The following CTNNA3 variants were observed in gnomAD, a reference collection of about 807,000 sequenced individuals.
CTNNA3 encodes the protein catenin alpha-3.
In CTNNA3, 76 loss-of-function variants were observed where a neutral mutation model predicts 95.7. The ratio of observed to expected loss-of-function variants is 0.79; its 90% CI spans 0.66 to 0.96. CTNNA3 has a LOEUF of 0.96. Ranked by LOEUF, CTNNA3 falls within the 40% of genes least tolerant of loss-of-function variation. The probability of loss-of-function intolerance (pLI) is 0.00; values close to 1 mark genes in which losing one functional copy is unlikely to be tolerated. For synonymous variants in CTNNA3, 431 were observed against 374.4 expected (o/e 1.15, Z -1.74); for missense variants, 1,191 against 1,089.8 (o/e 1.09, Z -1.31).
chr10:66,930,566 T>C (rs1000531603), intron 7 of CTNNA3, among the ~76,000 whole-genome samples: 1 of 152,176 alleles, frequency 6.6e-6, no homozygotes. Context: ...CACTTAACCT[T>C]CTGCCTTACT....
At chr10:67,751,662 C>G (rs575581355) in intron 1 of CTNNA3, among the ~76,000 whole-genome samples, 2 of 152,084 alleles carry the variant, frequency 1.3e-5, no homozygotes, top group South Asian at 4.2e-4. Flanking sequence ...GAAATACAAC[C>G]AACCATCAGA....
intron 7 of CTNNA3, among the ~76,000 whole-genome samples, chr10:66,976,586 A>G (rs12255493): frequency 1.1e-4 from 16 of 152,162 alleles, no homozygotes; most frequent in Non-Finnish European, 4.4e-5. Flanking sequence ...GACTTCCCTA[A>G]AGAAAAATGG....
intron 13 of CTNNA3, among the ~76,000 whole-genome samples, chr10:66,203,045 A>T (rs374985572): frequency 3.9e-5 from 6 of 152,218 alleles, no homozygotes; most frequent in Non-Finnish European, 8.8e-5. Context: ...GCTACGCTTC[A>T]TGGGACAAAC....
At chr10:67,618,166 C>T (rs1293245869) in intron 2 of CTNNA3, among the ~76,000 whole-genome samples, 2 of 152,022 alleles carry the variant, frequency 1.3e-5, no homozygotes, top group African/African-American at 4.8e-5. Flanking sequence ...AGCAAAAAGT[C>T]AACCTTTTTC....
chr10:66,703,351 T>C (rs903690866), intron 9 of CTNNA3, among the ~76,000 whole-genome samples: 7 of 152,208 alleles, frequency 4.6e-5, no homozygotes, highest in Non-Finnish European at 8.8e-5. Context: ...AAAGTGTTTT[T>C]ATATTTACTC....
chr10:66,936,024 G>A (rs1343056886), intron 7 of CTNNA3, among the ~76,000 whole-genome samples: 1 of 152,078 alleles, frequency 6.6e-6, no homozygotes, highest in Non-Finnish European at 1.5e-5. Flanking sequence ...CCAGTATAGT[G>A]TTCCTTCCAG....
At chr10:66,371,206 A>G (rs2092751846) in intron 12 of CTNNA3, among the ~76,000 whole-genome samples, 1 of 152,304 alleles carries the variant, frequency 6.6e-6, no homozygotes, top group South Asian at 2.1e-4. Flanking sequence ...AAATTTTGTC[A>G]TTGTAGTTAA....
At chr10:66,047,176 C>G (rs2079846104) in intron 15 of CTNNA3, among the ~76,000 whole-genome samples, 2 of 152,060 alleles carry the variant, frequency 1.3e-5, no homozygotes, top group South Asian at 4.1e-4. Flanking sequence ...GACCCACACA[C>G]AAAAGAAAAC....
At chr10:67,647,987 A>C (rs1271635193) in intron 1 of CTNNA3, among the ~76,000 whole-genome samples, 6 of 152,214 alleles carry the variant, frequency 3.9e-5, no homozygotes, top group African/African-American at 1.4e-4. Context: ...ATATGTCCTT[A>C]CTTGATTTAG....
chr10:67,285,783 A>T (rs1839574828), intron 5 of CTNNA3, among the ~76,000 whole-genome samples: 1 of 152,206 alleles, frequency 6.6e-6, no homozygotes, highest in African/African-American at 2.4e-5. Context: ...AGGTTCCTAC[A>T]GGCAGGAAAT....
intron 1 of CTNNA3, among the ~76,000 whole-genome samples, chr10:67,680,993 G>A (rs543764262): frequency 1.4e-4 from 21 of 152,204 alleles, no homozygotes; most frequent in South Asian, 4.1e-4. Context: ...GAAAGAGACC[G>A]TTTATGATAC....
At chr10:67,609,924 A>G (rs1434103471) in intron 2 of CTNNA3, among the ~76,000 whole-genome samples, 2 of 152,346 alleles carry the variant, frequency 1.3e-5, no homozygotes, top group East Asian at 3.9e-4. Flanking sequence ...CATGGATTAT[A>G]TAAGAATAAT....
At chr10:66,152,473 TA>T (rs2084255583) in intron 13 of CTNNA3, among the ~76,000 whole-genome samples, 1 of 151,870 alleles carries the variant, frequency 6.6e-6, no homozygotes, top group Non-Finnish European at 1.5e-5. Flanking sequence ...ACACAAAGTA[TA>T]AAAATTCTCA....
intron 7 of CTNNA3, among the ~76,000 whole-genome samples, chr10:66,834,477 T>G (rs1288658088): frequency 6.6e-6 from 1 of 152,224 alleles, no homozygotes; most frequent in Non-Finnish European, 1.5e-5. Context: ...TGCCATCATT[T>G]CCATTTTATA....
chr10:67,058,604 GC>G (rs1855575836), intron 7 of CTNNA3, among the ~76,000 whole-genome samples: 1 of 152,000 alleles, frequency 6.6e-6, no homozygotes, highest in Admixed American at 6.6e-5. Flanking sequence ...GCCCTGCAAG[GC>G]CCCTTTTTTT....
intron 7 of CTNNA3, among the ~76,000 whole-genome samples, chr10:67,111,405 A>T (rs1858902270): frequency 6.6e-6 from 1 of 152,076 alleles, no homozygotes; most frequent in Non-Finnish European, 1.5e-5. Context: ...GAAAATTCAC[A>T]TAAGGCCGAA....
chr10:65,989,065 C>G (rs1015172052), intron 15 of CTNNA3, among the ~76,000 whole-genome samples: 9 of 152,192 alleles, frequency 5.9e-5, no homozygotes, highest in Non-Finnish European at 1.3e-4. Flanking sequence ...CTTAGCCCCC[C>G]GAAGAGCTGG....
chr10:66,828,144 T>C (rs1842581667), intron 7 of CTNNA3, among the ~76,000 whole-genome samples: 1 of 152,222 alleles, frequency 6.6e-6, no homozygotes, highest in African/African-American at 2.4e-5. Flanking sequence ...TTCAAAGGAA[T>C]ATCAAGATGG....
intron 7 of CTNNA3, among the ~76,000 whole-genome samples, chr10:67,038,757 T>A (rs963750084): frequency 5.9e-5 from 9 of 152,058 alleles, no homozygotes; most frequent in African/African-American, 2.2e-4. Context: ...AACCAGGAGT[T>A]CAATATGAGA....
Sources: gnomAD v4.1 joint callset for allele counts (sites outside exome capture counted in the v4.1 genomes callset) on GRCh38, gnomAD v4.1.1 for gene constraint, MANE v1.5 for transcripts, NCBI Gene and HGNC (gene_info 2026-07-23, HGNC 2026-07-21) for gene names.